The following ZNF19 variants were observed in gnomAD, a reference collection of about 807,000 sequenced individuals.
The protein encoded by ZNF19 is zinc finger protein 19 (KOX 12).
Under a neutral mutation model 13.1 loss-of-function variants are expected in ZNF19, and 11 were observed. The ratio of observed to expected loss-of-function variants is 0.84; its 90% CI spans 0.53 to 1.39. ZNF19 has a LOEUF of 1.39. ZNF19 is among the 40% of genes most tolerant of loss of function. The pLI is 0.00. For synonymous variants in ZNF19, 186 were observed against 187.0 expected (o/e 0.99, Z 0.04); for missense variants, 560 against 547.0 (o/e 1.02, Z -0.24).
intron 3 of ZNF19, 142 bp downstream of exon 3, chr16:71,481,940 C>T: frequency 1.2e-6 from 1 of 854,318 alleles, no homozygotes. Flanking sequence ...TAGCTCTTTC[C>T]CCAGCACCCA....
At chr16:71,485,876 C>A (rs1212732428) in intron 1 of ZNF19, among the ~76,000 whole-genome samples, 1 of 152,114 alleles carries the variant, frequency 6.6e-6, no homozygotes, top group East Asian at 1.9e-4. Context: ...CCCAAAGGAA[C>A]CTCATAACCA....
In ZNF19 at chr16:71,479,058, G is replaced by C. The variant is rs115865959; in HGVS notation, c.34-53C>G. The C allele has an allele frequency of 3.1e-6, 5 of 1,613,502 alleles. No individual in the cohort carries two copies. The South Asian group carries it at 5.5e-5, about 18-fold the overall frequency. ...GAGCCAATCCTCTGGCTCCGGGCCA[G>C]AGTGTGGGGCAGAGGGGACAGGTAG... On this transcript the variant is annotated intron_variant, in intron 3 of 5. Coordinates refer to ENST00000288177, the MANE Select transcript of ZNF19 (RefSeq NM_006961.4).
In ZNF19 at chr16:71,478,968, G is replaced by C; in HGVS notation, c.71C>G (p.Thr24Ser). The change falls in exon 4 of 6, where the codon ACC becomes AGC. Residue 24 changes from threonine to serine, a missense_variant. Transcript: ENST00000288177. ...VTFEDVAVHF[T>S]KTEWTGLSPA... ...AGAAAGGCCAGTCCATTCTGTCTTG[G>C]TGAAGTGCACAGCCACATCCTCGAA... 6.2e-7 allele frequency: 1 copy of C among 1,614,220 alleles called. No individual in the cohort carries two copies. The highest frequency in any genetic ancestry group is 2.2e-5 in the East Asian group (1 of 44,874).
intron 1 of ZNF19, among the ~76,000 whole-genome samples, chr16:71,486,253 C>A (rs962774101): frequency 2.6e-5 from 4 of 151,352 alleles, no homozygotes; most frequent in Non-Finnish European, 4.4e-5. Flanking sequence ...GTAGTCCCAG[C>A]TACTAGCTGA....
intron 1 of ZNF19, chr16:71,486,989 G>A (rs544816652): frequency 2.6e-5 from 4 of 152,116 alleles, no homozygotes; most frequent in Admixed American, 2.6e-4. Flanking sequence ...TGCAGGGAGT[G>A]GAAAGGAAGA....
chr16:71,478,412 G>T, intron 4 of ZNF19, 71 bp from the exon 5 acceptor site: 1 of 1,109,736 alleles, frequency 9.0e-7, no homozygotes, highest in Non-Finnish European at 1.4e-6. Flanking sequence ...AACCCCAGGA[G>T]TCTCAGTAAG....
chr16:71,486,141 C>T (rs1466801318), intron 1 of ZNF19, among the ~76,000 whole-genome samples: 1 of 142,440 alleles, frequency 7.0e-6, no homozygotes, highest in Non-Finnish European at 1.5e-5. Flanking sequence ...CCTGGGAGTT[C>T]AAACCAGCCT....
intron 3 of ZNF19, 35 bp downstream of exon 3, chr16:71,482,047 C>A: frequency 6.2e-7 from 1 of 1,612,560 alleles, no homozygotes; most frequent in Non-Finnish European, 8.5e-7. Flanking sequence ...CAACTCAGAC[C>A]TCCATAGAGC....
chr16:71,476,234 G>A lies in ZNF19; in HGVS notation c.313C>T (p.Gln105Ter), dbSNP rs2043602058. 6.2e-7 allele frequency: 1 copy of A among 1,613,578 alleles called. No individual in the cohort carries two copies. Among genetic ancestry groups the A allele is most frequent in the Admixed American group, 1.7e-5 (1 of 59,986 alleles). Residue 105 changes from glutamine to a stop codon, truncating the protein, a stop_gained, in exon 6 of 6, where the codon CAG becomes TAG. Coordinates refer to ENST00000288177, the MANE Select transcript of ZNF19 (RefSeq NM_006961.4). LOFTEE classifies it low-confidence loss of function (END_TRUNC). ...TNIDSESTLI[Q>*]GISEERDGMM... ...CCATCTCTTTCTTCAGAAATTCCCTGGATTAATGTGGACTCACTGTCAATG... is the reference window on the plus strand; with the variant it reads ...CCATCTCTTTCTTCAGAAATTCCCTAGATTAATGTGGACTCACTGTCAATG...
intron 2 of ZNF19, chr16:71,482,375 C>G (rs2043642919): frequency 1.4e-5 from 6 of 434,318 alleles, no homozygotes; most frequent in Admixed American, 3.5e-5. Flanking sequence ...CCTGTCCTCA[C>G]CAACACCAAG....
chr16:71,486,307 G>A (rs1026295609), intron 1 of ZNF19, among the ~76,000 whole-genome samples: 3 of 151,900 alleles, frequency 2.0e-5, no homozygotes, highest in Non-Finnish European at 4.4e-5. Context: ...GCTGCAGTGA[G>A]CCTTGATTGA....
intron 1 of ZNF19, among the ~76,000 whole-genome samples, 187 bp from the exon 2 acceptor site, chr16:71,484,935 A>T (rs1322117725): frequency 6.6e-6 from 1 of 152,162 alleles, no homozygotes; most frequent in African/African-American, 2.4e-5. Flanking sequence ...TATTCTCGTC[A>T]CTAATTTGAA....
chr16:71,481,447 A>T (rs2043636412), intron 3 of ZNF19, among the ~76,000 whole-genome samples: 1 of 152,238 alleles, frequency 6.6e-6, no homozygotes, highest in African/African-American at 2.4e-5. Context: ...TTCACCTTAC[A>T]AATGAATCCA....
rs779933459 is a variant in ZNF19 at position 71,475,958 on chromosome 16, C to T, written c.589G>A (p.Ala197Thr). ...ATTAACGAAGAATTACCATTAAAGG[C>T]TTTTCCACACTCACTACACTCAAAA... ...KPFECSECGK[A>T]FNGNSSLIRH... Residue 197 changes from alanine to threonine, a missense_variant, in exon 6 of 6, where the codon GCC becomes ACC. Physicochemically the swap from Ala to Thr is moderately conservative, Grantham distance 58 (BLOSUM62 0). Transcript: ENST00000288177. 36 of 1,613,966 alleles carry T rather than the reference C, an allele frequency of 2.2e-5. No homozygotes were observed. The highest frequency in any genetic ancestry group is 1.6e-4 in the South Asian group (15 of 91,076).
Position 71,475,408 on chromosome 16 carries a change from G to C in ZNF19, c.1139C>G (p.Thr380Ser), listed in dbSNP as rs747429400. The change falls in exon 6 of 6, where the codon ACT becomes AGT. Residue 380 changes from threonine (T) to serine (S), a missense_variant. Transcript: ENST00000288177. ...ATCACATACATAGGAAGACTCCTGA[G>C]TATGAATTCTCAGATGCCTTTTTAA... ...EQLKRHLRIH[T>S]QESSYVCDEC... is the part of the protein sequence containing the mutation. 6.2e-7 allele frequency: 1 copy of C among 1,614,046 alleles called. No individual in the cohort carries two copies. Among genetic ancestry groups the C allele is most frequent in the Non-Finnish European group, 8.5e-7 (1 of 1,180,034 alleles).
At chr16:71,477,583 C>G (rs75109932) in intron 5 of ZNF19, among the ~76,000 whole-genome samples, 3 of 152,150 alleles carry the variant, frequency 2.0e-5, no homozygotes, top group Admixed American at 2.0e-4. Flanking sequence ...TCCTGGGGAT[C>G]GTTTCAACCC....
chr16:71,475,853 G>C lies in ZNF19; in HGVS notation c.694C>G (p.Leu232Val). ...CTGTGGATTCTCTGATGCCTGATCAGATTTGCATTATCATTAAAGGCTCGC... is the reference window on the plus strand; with the variant it reads ...CTGTGGATTCTCTGATGCCTGATCACATTTGCATTATCATTAAAGGCTCGC... ...CGRAFNDNAN[L>V]IRHQRIHSGD... The change falls in exon 6 of 6, where the codon CTG becomes GTG. Residue 232 changes from leucine to valine, a missense_variant. Physicochemically the swap from Leu to Val is conservative, Grantham distance 32. Transcript: ENST00000288177. The C allele has an allele frequency of 3.7e-6, 6 of 1,613,844 alleles. No individual in the cohort carries two copies. The highest frequency in any genetic ancestry group is 5.1e-6 in the Non-Finnish European group (6 of 1,179,932).
intron 4 of ZNF19, chr16:71,478,647 A>T: frequency 1.5e-6 from 1 of 647,744 alleles, no homozygotes; most frequent in Non-Finnish European, 2.7e-6. Flanking sequence ...GATGGAACAT[A>T]CTCTTACCAG....
In ZNF19 at chr16:71,475,993, C is replaced by T; in HGVS notation, c.554G>A (p.Gly185Glu). The part of the protein sequence containing the change: ...YYARHQRIHT[G>E]EKPFECSECG... ...CTCACTACACTCAAAAGGTTTCTCCCCAGTGTGGATTCTCTGGTGTCTAGC... is the reference window on the plus strand; with the variant it reads ...CTCACTACACTCAAAAGGTTTCTCCTCAGTGTGGATTCTCTGGTGTCTAGC... Residue 185 changes from glycine (G) to glutamate (E), a missense_variant, in exon 6 of 6, where the codon GGG (glycine) becomes GAG (glutamate). Physicochemically the swap from Gly to Glu is moderately conservative, Grantham distance 98. Coordinates refer to ENST00000288177, the MANE Select transcript of ZNF19 (RefSeq NM_006961.4). 6.2e-7 allele frequency: 1 copy of T among 1,614,198 alleles called. No individual in the cohort carries two copies. Among genetic ancestry groups the T allele is most frequent in the Non-Finnish European group, 8.5e-7 (1 of 1,180,018 alleles).
Sources: allele counts gnomAD v4.1 joint callset (sites outside exome capture counted in the v4.1 genomes callset), GRCh38; gene constraint gnomAD v4.1.1; transcripts MANE v1.5; gene names NCBI Gene and HGNC (gene_info 2026-07-23, HGNC 2026-07-21).